The following SUCO variants were observed in gnomAD, a reference collection of about 807,000 sequenced individuals.
The protein encoded by SUCO is SUN domain-containing ossification factor.
SUCO carries 57 observed loss-of-function variants against 148.1 expected under a neutral mutation model. That is an observed-to-expected ratio of 0.38 (90% confidence interval 0.31 to 0.48). SUCO has a LOEUF of 0.48. Ranked by LOEUF, SUCO falls within the 20% of genes least tolerant of loss-of-function variation. SUCO has a pLI of 0.96. For missense variants in SUCO, 1,331 were observed against 1,468.2 expected, an observed-to-expected ratio of 0.91 and a Z score of 1.53; for synonymous variants, 470 against 502.7, an observed-to-expected ratio of 0.93 and a Z score of 0.87.
At chr1:172,556,461 T>C in intron 4 of SUCO, 1 of 243,098 alleles carries the variant, frequency 4.1e-6, no homozygotes, top group Non-Finnish European at 6.6e-6. Flanking sequence ...TCAGAGTGTT[T>C]AGGTTTAAGT....
In SUCO at chr1:172,555,588, A is replaced by G. The variant is rs149934472; in HGVS notation, c.289-281A>G. Among the ~76,000 whole-genome samples the G allele has an allele frequency of 2.0e-4, 30 of 152,226 alleles. No homozygotes were observed. In the East Asian group the frequency reaches 5.8e-3, roughly 29 times the overall value. On this transcript the variant is annotated intron_variant, in intron 3 of 23. Transcript: ENST00000263688. Reference sequence around the variant, plus strand: ...TCATTCATCAATTAGAGAAGAGGGAAATCTCTGTAGGTCCTGATGCAAAGT... The same window carrying G: ...TCATTCATCAATTAGAGAAGAGGGAGATCTCTGTAGGTCCTGATGCAAAGT...
intron 9 of SUCO, among the ~76,000 whole-genome samples, chr1:172,571,479 AC>A (rs1558190445): frequency 6.7e-6 from 1 of 149,490 alleles, no homozygotes; most frequent in Non-Finnish European, 1.5e-5. Flanking sequence ...CCCGGCCGCC[AC>A]CCCGTCTGGG....
At chr1:172,593,448 C>T (rs940646779) in intron 19 of SUCO, among the ~76,000 whole-genome samples, 9 of 152,148 alleles carry the variant, frequency 5.9e-5, no homozygotes, top group African/African-American at 1.9e-4. Context: ...AGCTACATCC[C>T]ATCAATACCT....
intron 6 of SUCO, chr1:172,568,316 C>CA: frequency 1.1e-6 from 1 of 934,114 alleles, no homozygotes; most frequent in Non-Finnish European, 1.3e-6. Flanking sequence ...CCCACCCACC[C>CA]CATCCCCTTA....
chr1:172,555,995 T>C lies in SUCO; in HGVS notation c.415T>C (p.Ser139Pro), dbSNP rs1469912203. The C allele has an allele frequency of 5.0e-6, 8 of 1,612,922 alleles. No individual in the cohort carries two copies. The highest frequency in any genetic ancestry group is 1.3e-5 in the African/African-American group (1 of 74,870). ...TGAAAATATTTCCAGCTCATCTACC[T>C]CAGAAATCACTCCAATCTCAAAGCT... ...TVENISSSST[S>P]EITPISKLDE... Residue 139 changes from serine (S) to proline (P), a missense_variant, in exon 4 of 24, where the codon TCA (serine) becomes CCA (proline). Coordinates refer to ENST00000263688, the MANE Select transcript of SUCO (RefSeq NM_014283.5).
rs537736372 is a variant in SUCO, at chr1:172,533,154, G to A, written c.-282G>A. ...CCCCCGGCGGGCGGGGAGGATATGG[G>A]GCGGCAGTGGCGGCTGCAGGAGGCG... On this transcript the variant is annotated 5_prime_UTR_variant, in exon 1 of 24. Transcript: ENST00000263688. 8.2e-6 allele frequency: 12 copies of A among 1,464,706 alleles called. No homozygotes were observed. Among genetic ancestry groups the A allele is most frequent in the Non-Finnish European group, 1.1e-5 (12 of 1,112,758 alleles). 90.7% of individuals were successfully genotyped at this position (1,464,706 alleles called of 1,614,324 possible).
At chr1:172,562,004 A>T (rs1235688912) in intron 6 of SUCO, among the ~76,000 whole-genome samples, 1 of 152,182 alleles carries the variant, frequency 6.6e-6, no homozygotes, top group Non-Finnish European at 1.5e-5. Flanking sequence ...GGCACCTACC[A>T]GCCCCCCAAA....
At chr1:172,572,993 C>A (rs1439274513) in intron 9 of SUCO, among the ~76,000 whole-genome samples, 2 of 151,982 alleles carry the variant, frequency 1.3e-5, no homozygotes, top group Non-Finnish European at 2.9e-5. Context: ...TTTTTGGCAT[C>A]TTTCCATGTT....
intron 9 of SUCO, among the ~76,000 whole-genome samples, chr1:172,572,045 C>A (rs75298556): frequency 2.2e-5 from 1 of 45,246 alleles, no homozygotes; most frequent in Non-Finnish European, 4.5e-5. Context: ...GTCAGCCCCC[C>A]GCCCGGCCAG....
intron 1 of SUCO, among the ~76,000 whole-genome samples, chr1:172,547,655 T>C (rs925880265): frequency 2.6e-4 from 40 of 152,142 alleles, no homozygotes; most frequent in Admixed American, 1.8e-3. Flanking sequence ...CCAGAACTGT[T>C]CCAAGTTAAA....
At position 172,609,826 on chromosome 1, in the gene SUCO, G is replaced by A. The variant is rs1190608233; in HGVS notation, c.3332G>A (p.Cys1111Tyr). ...TTACTTGTGTTGTAGAAGAAGCGCTGCAAGTACAAAATTGAAAAAATTGAG... is the reference window on the plus strand; with the variant it reads ...TTACTTGTGTTGTAGAAGAAGCGCTACAAGTACAAAATTGAAAAAATTGAG... ...KFSPEKKKKR[C>Y]KYKIEKIETI... Residue 1111 changes from cysteine (C) to tyrosine (Y), a missense_variant, in exon 24 of 24, where the codon TGC becomes TAC. By Grantham distance (194) the Cys-to-Tyr change is radical. Coordinates refer to ENST00000263688, the MANE Select transcript of SUCO (RefSeq NM_014283.5). 6.3e-7 allele frequency: 1 copy of A among 1,594,992 alleles called. No homozygotes were observed. The highest frequency in any genetic ancestry group is 1.2e-5 in the South Asian group (1 of 86,916).
chr1:172,532,930 C>G (rs1355691537), upstream of SUCO: 2 of 1,363,110 alleles, frequency 1.5e-6, no homozygotes, highest in Non-Finnish European at 9.7e-7. Flanking sequence ...TTGTGGTCTC[C>G]TGCCTCCGGC....
chr1:172,563,007 G>C (rs1338234670), intron 6 of SUCO, among the ~76,000 whole-genome samples: 2 of 152,174 alleles, frequency 1.3e-5, no homozygotes, highest in Non-Finnish European at 2.9e-5. Context: ...GAAGGTACTT[G>C]CTTCCCCTTT....
intron 23 of SUCO, chr1:172,609,376 T>G: frequency 1.0e-6 from 1 of 974,076 alleles, no homozygotes; most frequent in South Asian, 4.8e-5. Context: ...GCAAATAGCC[T>G]AAGATTCATT....
intron 6 of SUCO, among the ~76,000 whole-genome samples, chr1:172,565,242 C>G (rs1654471290): frequency 1.3e-5 from 2 of 152,200 alleles, no homozygotes; most frequent in South Asian, 2.1e-4. Flanking sequence ...TAGGTAGCCA[C>G]TTGTTGACTG....
intron 17 of SUCO, chr1:172,588,515 T>C (rs1008868185): frequency 2.0e-6 from 2 of 984,820 alleles, no homozygotes; most frequent in Non-Finnish European, 2.4e-6. Context: ...AAGTTTGATA[T>C]GGTAAATATG....
At chr1:172,537,144 A>C (rs1280466232) in intron 1 of SUCO, among the ~76,000 whole-genome samples, 1 of 152,136 alleles carries the variant, frequency 6.6e-6, no homozygotes, top group East Asian at 1.9e-4. Flanking sequence ...TAATTAGTGG[A>C]TATTCTGAGT....
At chr1:172,590,218 T>A (rs1656548884) in intron 18 of SUCO, 1 of 538,832 alleles carries the variant, frequency 1.9e-6, no homozygotes, top group Admixed American at 6.4e-5. Context: ...TGCTTAACTT[T>A]AGCCACTTTT....
chr1:172,588,363 C>A (rs116262799), intron 17 of SUCO: 1 of 985,118 alleles, frequency 1.0e-6, no homozygotes, highest in East Asian at 1.1e-4. Flanking sequence ...TAAGCTAGCT[C>A]TTAGTTGGCT....
Sources: allele counts gnomAD v4.1 joint callset (sites outside exome capture counted in the v4.1 genomes callset), GRCh38; gene constraint gnomAD v4.1.1; transcripts MANE v1.5; gene names NCBI Gene and HGNC (gene_info 2026-07-23, HGNC 2026-07-21).